RICTOR: variants seen among roughly 807,000 people sequenced by gnomAD.
RICTOR encodes the protein RPTOR independent companion of MTOR complex 2.
A neutral mutation model predicts 214.9 loss-of-function variants in RICTOR; 49 were observed. The ratio of observed to expected loss-of-function variants is 0.23; its 90% CI spans 0.18 to 0.29. The LOEUF is 0.29. Ranked by LOEUF, RICTOR falls within the 10% of genes least tolerant of loss-of-function variation. The probability of loss-of-function intolerance (pLI) is 1.00; values close to 1 mark genes in which losing one functional copy is unlikely to be tolerated. For synonymous variants in RICTOR, 717 were observed against 711.3 expected (o/e 1.01, Z -0.13); for missense variants, 1,625 against 2,047.0 (o/e 0.79, Z 3.98).
chr5:39,006,780 G>C (rs1191458976), intron 3 of RICTOR, among the ~76,000 whole-genome samples: 1 of 127,414 alleles, frequency 7.8e-6, no homozygotes, highest in East Asian at 2.5e-4. Flanking sequence ...GAGGAGAGGA[G>C]GGGAGGGGAG....
chr5:39,027,312 CTGA>C (rs959600029), intron 2 of RICTOR, among the ~76,000 whole-genome samples: 1 of 152,030 alleles, frequency 6.6e-6, no homozygotes, highest in South Asian at 2.1e-4. Context: ...GTAAAAATTA[CTGA>C]TGATTTATTT....
At chr5:39,044,716 A>G (rs1580178632) in intron 2 of RICTOR, among the ~76,000 whole-genome samples, 1 of 152,238 alleles carries the variant, frequency 6.6e-6, no homozygotes, top group African/African-American at 2.4e-5. Flanking sequence ...TTTGTCAAAT[A>G]CAAAACTTTT....
At chr5:39,068,310 A>G (rs1158665046) in intron 2 of RICTOR, among the ~76,000 whole-genome samples, 1 of 152,232 alleles carries the variant, frequency 6.6e-6, no homozygotes, top group African/African-American at 2.4e-5. Flanking sequence ...AGGGGCATAC[A>G]GTCTCCACGG....
chr5:39,052,656 G>C (rs1757932171), intron 2 of RICTOR, among the ~76,000 whole-genome samples: 1 of 152,054 alleles, frequency 6.6e-6, no homozygotes, highest in Admixed American at 6.5e-5. Flanking sequence ...AAAACCAGTG[G>C]GGATCCTGGG....
intron 11 of RICTOR, chr5:38,970,783 CTAA>C (rs1750713559): frequency 6.6e-6 from 1 of 151,976 alleles, no homozygotes; most frequent in Admixed American, 6.6e-5. Flanking sequence ...AGAAATATAC[CTAA>C]TAAATATAGA....
chr5:38,956,801 A>G (rs1749300150), intron 25 of RICTOR, among the ~76,000 whole-genome samples: 1 of 152,184 alleles, frequency 6.6e-6, no homozygotes, highest in African/African-American at 2.4e-5. Context: ...TCTTCTAGGA[A>G]ACAAACCTAT....
In RICTOR at chr5:39,035,012, G is replaced by A. The variant is rs371172328; in HGVS notation, c.98-13876C>T. Among the ~76,000 whole-genome samples, 178 of 152,352 alleles carry A rather than the reference G, an allele frequency of 1.2e-3. 6 individuals carry two copies. In the East Asian group the frequency reaches 0.03, roughly 25 times the overall value. ...CTGGAGATCTGAGAACGGGCAGACTGCCTCCTCAAGTGGGTCCCTGACCCC... is the reference window on the plus strand; with the variant it reads ...CTGGAGATCTGAGAACGGGCAGACTACCTCCTCAAGTGGGTCCCTGACCCC... On this transcript the variant is annotated intron_variant, in intron 2 of 37. Transcript: ENST00000357387.
At chr5:39,005,551 T>A (rs1034724511) in intron 3 of RICTOR, among the ~76,000 whole-genome samples, 38 of 152,342 alleles carry the variant, frequency 2.5e-4, no homozygotes, top group African/African-American at 8.9e-4. Flanking sequence ...ATTTTCTCCA[T>A]ACGTCCTCTA....
intron 36 of RICTOR, among the ~76,000 whole-genome samples, chr5:38,943,697 C>A (rs1014269089): frequency 9.9e-5 from 15 of 152,062 alleles, no homozygotes; most frequent in African/African-American, 3.6e-4. Context: ...CCTGTAATCC[C>A]AGCTACTTGG....
At chr5:39,060,785 T>TA (rs1758491000) in intron 2 of RICTOR, among the ~76,000 whole-genome samples, 1 of 151,990 alleles carries the variant, frequency 6.6e-6, no homozygotes, top group Admixed American at 6.6e-5. Context: ...CATTTAGTCT[T>TA]AGTCATATGA....
At chr5:38,968,882 C>T (rs554230078) in intron 11 of RICTOR, among the ~76,000 whole-genome samples, 5 of 151,464 alleles carry the variant, frequency 3.3e-5, no homozygotes, top group Admixed American at 1.3e-4. Flanking sequence ...TCCAGACATA[C>T]AAGGTATGGA....
chr5:39,068,513 G>A (rs1323658534), intron 2 of RICTOR, among the ~76,000 whole-genome samples: 1 of 152,206 alleles, frequency 6.6e-6, no homozygotes, highest in Admixed American at 6.5e-5. Flanking sequence ...CTAAAGAAAT[G>A]TGGACTGTAT....
chr5:39,057,680 A>G (rs953629508), intron 2 of RICTOR, among the ~76,000 whole-genome samples: 1 of 152,058 alleles, frequency 6.6e-6, no homozygotes, highest in African/African-American at 2.4e-5. Context: ...TTCTTTTGGT[A>G]GCTAATAATC....
chr5:39,035,606 C>T (rs1044213075), intron 2 of RICTOR, among the ~76,000 whole-genome samples: 1 of 152,106 alleles, frequency 6.6e-6, no homozygotes, highest in Admixed American at 6.5e-5. Flanking sequence ...ACTAGAATAA[C>T]CAAAGCAGAG....
chr5:39,022,053 T>C (rs1755463882), intron 2 of RICTOR, among the ~76,000 whole-genome samples: 1 of 152,184 alleles, frequency 6.6e-6, no homozygotes, highest in Non-Finnish European at 1.5e-5. Flanking sequence ...TTTTTCAATA[T>C]AGTACTCAAT....
At chr5:38,997,136 C>T (rs1753238887) in intron 5 of RICTOR, among the ~76,000 whole-genome samples, 1 of 152,014 alleles carries the variant, frequency 6.6e-6, no homozygotes, top group African/African-American at 2.4e-5. Flanking sequence ...TACAAGACTA[C>T]ATCTATTCAT....
intron 5 of RICTOR, among the ~76,000 whole-genome samples, chr5:39,001,333 CGAAAA>C (rs1753600570): frequency 6.6e-6 from 1 of 151,854 alleles, no homozygotes; most frequent in Non-Finnish European, 1.5e-5. Flanking sequence ...AGACGTGAAA[CGAAAA>C]TATTTTCAAT....
intron 3 of RICTOR, among the ~76,000 whole-genome samples, chr5:39,009,960 CAT>C (rs1226533492): frequency 2.0e-5 from 3 of 152,148 alleles, no homozygotes; most frequent in Non-Finnish European, 2.9e-5. Flanking sequence ...CTAAAGTACA[CAT>C]TAAACTGTTT....
intron 6 of RICTOR, among the ~76,000 whole-genome samples, chr5:38,993,405 T>A (rs939612922): frequency 6.6e-6 from 1 of 150,896 alleles, no homozygotes. Context: ...AGTGGAAAAA[T>A]TACATTAAAA....
Sources: allele counts gnomAD v4.1 joint callset (sites outside exome capture counted in the v4.1 genomes callset), GRCh38; gene constraint gnomAD v4.1.1; transcripts MANE v1.5; gene names NCBI Gene and HGNC (gene_info 2026-07-23, HGNC 2026-07-21).